The following CPQ variants were observed in gnomAD, a reference collection of about 807,000 sequenced individuals.
CPQ encodes the protein Ser-Met dipeptidase.
A neutral mutation model predicts 45.7 loss-of-function variants in CPQ; 37 were observed. The observed-to-expected ratio is 0.81, with a 90% CI of 0.62 to 1.07. The LOEUF (loss-of-function observed/expected upper bound fraction) is 1.07. CPQ is among the 50% of genes least tolerant of loss of function. The pLI is 0.00. For missense variants in CPQ, 537 were observed against 572.9 expected (o/e 0.94, Z 0.64); for synonymous variants, 186 against 205.8 (o/e 0.90, Z 0.82).
chr8:96,912,133 T>C (rs1166998159), intron 4 of CPQ, among the ~76,000 whole-genome samples: 2 of 152,234 alleles, frequency 1.3e-5, no homozygotes, highest in Non-Finnish European at 2.9e-5. Flanking sequence ...TTGTGATGTT[T>C]TTCTCTTATT....
At chr8:96,969,162 G>T (rs1813620380) in intron 5 of CPQ, among the ~76,000 whole-genome samples, 1 of 152,170 alleles carries the variant, frequency 6.6e-6, no homozygotes, top group Non-Finnish European at 1.5e-5. Flanking sequence ...AGAATTAACA[G>T]TATTACCTGG....
chr8:96,741,687 T>C (rs1161209075), intron 1 of CPQ, among the ~76,000 whole-genome samples: 46 of 152,182 alleles, frequency 3.0e-4, no homozygotes, highest in Non-Finnish European at 4.4e-5. Flanking sequence ...TTTGTTCTCG[T>C]TGGTTTCAAA....
At chr8:96,896,023 C>T (rs1586442105) in intron 4 of CPQ, among the ~76,000 whole-genome samples, 2 of 152,070 alleles carry the variant, frequency 1.3e-5, no homozygotes, top group East Asian at 3.9e-4. Flanking sequence ...TGTAAATCTC[C>T]ATTTGTGTAT....
chr8:96,647,805 A>C (rs567055670), intron 1 of CPQ, among the ~76,000 whole-genome samples: 1 of 152,354 alleles, frequency 6.6e-6, no homozygotes, highest in African/African-American at 2.4e-5. Flanking sequence ...CTAGGTGCCC[A>C]TGCATCTTAA....
intron 2 of CPQ, among the ~76,000 whole-genome samples, chr8:96,829,550 G>A (rs1026032378): frequency 1.3e-5 from 2 of 152,038 alleles, no homozygotes; most frequent in Non-Finnish European, 2.9e-5. Context: ...GGGCCTGGCA[G>A]GAATACTCCT....
intron 1 of CPQ, among the ~76,000 whole-genome samples, chr8:96,723,458 T>C (rs889727949): frequency 4.6e-5 from 7 of 152,172 alleles, no homozygotes; most frequent in Non-Finnish European, 1.0e-4. Context: ...TGGTTTGTTT[T>C]ATGTGATAGA....
intron 7 of CPQ, among the ~76,000 whole-genome samples, chr8:97,071,760 G>T (rs775753625): frequency 2.0e-5 from 3 of 152,190 alleles, no homozygotes; most frequent in Non-Finnish European, 4.4e-5. Context: ...AGTCAGAATG[G>T]CAGTAAGGGG....
At chr8:96,951,465 C>T (rs1164495633) in intron 4 of CPQ, among the ~76,000 whole-genome samples, 2 of 152,120 alleles carry the variant, frequency 1.3e-5, no homozygotes, top group Non-Finnish European at 2.9e-5. Flanking sequence ...TTTTGGGAAG[C>T]TTCAGTTCAA....
chr8:96,716,593 TC>T (rs1334077821), intron 1 of CPQ, among the ~76,000 whole-genome samples: 1 of 152,138 alleles, frequency 6.6e-6, no homozygotes, highest in Non-Finnish European at 1.5e-5. Context: ...GCTTTTTTAT[TC>T]CTGAGTTACT....
intron 5 of CPQ, among the ~76,000 whole-genome samples, chr8:96,973,697 T>C (rs1258682516): frequency 2.0e-5 from 3 of 152,156 alleles, no homozygotes; most frequent in Non-Finnish European, 4.4e-5. Flanking sequence ...ACCAGCTAGA[T>C]GGGATTGGGG....
intron 1 of CPQ, among the ~76,000 whole-genome samples, chr8:96,662,262 C>T (rs1815709240): frequency 6.6e-6 from 1 of 152,108 alleles, no homozygotes; most frequent in South Asian, 2.1e-4. Flanking sequence ...ATATCCTTAA[C>T]ATTACACATA....
intron 7 of CPQ, among the ~76,000 whole-genome samples, chr8:97,105,843 C>T (rs1282324988): frequency 6.6e-6 from 1 of 152,186 alleles, no homozygotes; most frequent in African/African-American, 2.4e-5. Flanking sequence ...CTATACAGTA[C>T]TTTCATTCTG....
intron 1 of CPQ, among the ~76,000 whole-genome samples, chr8:96,777,745 TATATATATATATA>T (rs1810628347): frequency 1.5e-4 from 2 of 13,464 alleles, no homozygotes; most frequent in African/African-American, 5.7e-4. Flanking sequence ...TATATATATA[TATATATATATATA>T]TATTTTTTTT....
intron 4 of CPQ, among the ~76,000 whole-genome samples, chr8:96,961,897 A>G (rs1042909940): frequency 5.3e-5 from 8 of 152,148 alleles, no homozygotes; most frequent in African/African-American, 4.8e-5. Flanking sequence ...TAGTCCTGCC[A>G]TATTTTTCAT....
intron 4 of CPQ, among the ~76,000 whole-genome samples, chr8:96,920,342 A>T (rs775615961): frequency 6.6e-6 from 1 of 152,166 alleles, no homozygotes; most frequent in Admixed American, 6.6e-5. Flanking sequence ...TATGATCTAA[A>T]GTCCATTAGC....
intron 7 of CPQ, among the ~76,000 whole-genome samples, chr8:97,130,340 G>T (rs1811928040): frequency 6.6e-6 from 1 of 151,622 alleles, no homozygotes; most frequent in African/African-American, 2.4e-5. Flanking sequence ...CGTAATTCTG[G>T]AGTTTGAGTA....
intron 3 of CPQ, among the ~76,000 whole-genome samples, chr8:96,871,487 A>G (rs1812066185): frequency 1.3e-5 from 2 of 151,010 alleles, no homozygotes; most frequent in African/African-American, 2.4e-5. Context: ...TAGAATTTCA[A>G]GGATTCAAAT....
At chr8:96,960,165 T>C (rs1017710647) in intron 4 of CPQ, among the ~76,000 whole-genome samples, 5 of 152,184 alleles carry the variant, frequency 3.3e-5, no homozygotes, top group African/African-American at 1.2e-4. Flanking sequence ...GGCTTCTAGT[T>C]ACCAAGGGCC....
intron 1 of CPQ, among the ~76,000 whole-genome samples, chr8:96,745,876 G>A (rs1026648547): frequency 6.6e-6 from 1 of 152,230 alleles, no homozygotes; most frequent in Non-Finnish European, 1.5e-5. Context: ...GACTGTTATA[G>A]TGAGAGTTTT....
Sources: gnomAD v4.1 joint callset for allele counts (sites outside exome capture counted in the v4.1 genomes callset) on GRCh38, gnomAD v4.1.1 for gene constraint, MANE v1.5 for transcripts, NCBI Gene and HGNC (gene_info 2026-07-23, HGNC 2026-07-21) for gene names.